MIPOL1: variants seen among roughly 807,000 people sequenced by gnomAD.
MIPOL1 encodes mirror-image polydactyly 1, also known as mirror-image polydactyly gene 1 protein.
In MIPOL1, 57 loss-of-function variants were observed where a neutral mutation model predicts 60.9. The ratio of observed to expected loss-of-function variants is 0.94; its 90% CI spans 0.76 to 1.17. MIPOL1 has a LOEUF of 1.17. Among genes scored for constraint, MIPOL1 ranks in the 50% most tolerant of loss-of-function variants. The pLI is 0.00. For missense variants in MIPOL1, 551 were observed against 511.6 expected (o/e 1.08, Z -0.74); for synonymous variants, 179 against 168.8 (o/e 1.06, Z -0.47).
chr14:37,468,321 C>A (rs1257370802), intron 11 of MIPOL1, among the ~76,000 whole-genome samples: 1 of 152,138 alleles, frequency 6.6e-6, no homozygotes, highest in Non-Finnish European at 1.5e-5. Flanking sequence ...TCCAGGAAAA[C>A]CACTGAAATC....
intron 9 of MIPOL1, among the ~76,000 whole-genome samples, chr14:37,327,894 G>T (rs1034961032): frequency 3.3e-5 from 5 of 152,214 alleles, no homozygotes; most frequent in African/African-American, 9.6e-5. Context: ...GCAAGATACA[G>T]TACTCGTGGA....
chr14:37,469,920 G>A (rs1339986639), intron 11 of MIPOL1, among the ~76,000 whole-genome samples: 3 of 152,160 alleles, frequency 2.0e-5, no homozygotes, highest in Non-Finnish European at 2.9e-5. Flanking sequence ...TACCCAGTCT[G>A]TAGTTTTCTG....
intron 12 of MIPOL1, among the ~76,000 whole-genome samples, chr14:37,529,016 G>A (rs941895862): frequency 6.6e-6 from 1 of 152,124 alleles, no homozygotes; most frequent in Non-Finnish European, 1.5e-5. Flanking sequence ...CATAGCATTC[G>A]AAGTACTATG....
At chr14:37,246,490 A>G (rs1973222326) in intron 1 of MIPOL1, among the ~76,000 whole-genome samples, 1 of 151,992 alleles carries the variant, frequency 6.6e-6, no homozygotes, top group Non-Finnish European at 1.5e-5. Flanking sequence ...GTTTTGTGGA[A>G]TTTTTTTGTT....
chr14:37,451,515 C>T (rs1260213829), intron 11 of MIPOL1, among the ~76,000 whole-genome samples: 2 of 151,740 alleles, frequency 1.3e-5, no homozygotes, highest in South Asian at 2.1e-4. Context: ...CATGCCATTT[C>T]GGGTGGGTCT....
At chr14:37,241,226 C>G (rs1055384541) in intron 1 of MIPOL1, among the ~76,000 whole-genome samples, 1 of 152,086 alleles carries the variant, frequency 6.6e-6, no homozygotes. Context: ...AAAGGAGATC[C>G]CTCTTGCTTT....
In MIPOL1 at chr14:37,247,181, A is replaced by G. The variant is rs1973316734; in HGVS notation, c.-120A>G. ...CATATTTAGAGAAAATTGGAAAAGG[A>G]GAAGCTTACTACAGCTTTATTTGAG... On this transcript the variant is annotated 5_prime_UTR_variant, in exon 2 of 13. Coordinates refer to ENST00000684589, the MANE Select transcript of MIPOL1 (RefSeq NM_001388067.1). 1.3e-5 allele frequency: 2 copies of G among 152,512 alleles called. No homozygotes were observed. The highest frequency in any genetic ancestry group is 2.9e-5 in the Non-Finnish European group (2 of 67,966). The allele number at this position is 152,512 out of a possible 1,614,324, so 9.4% of individuals were successfully genotyped here.
intron 12 of MIPOL1, among the ~76,000 whole-genome samples, chr14:37,518,867 A>T (rs890424607): frequency 6.6e-6 from 1 of 152,130 alleles, no homozygotes; most frequent in Non-Finnish European, 1.5e-5. Flanking sequence ...AGGACACATA[A>T]ACCATCGTGA....
At chr14:37,471,151 A>G (rs902827297) in intron 11 of MIPOL1, among the ~76,000 whole-genome samples, 13 of 152,224 alleles carry the variant, frequency 8.5e-5, no homozygotes, top group Admixed American at 6.5e-5. Context: ...ACTTGGGGAC[A>G]GAGAAGATTA....
intron 10 of MIPOL1, among the ~76,000 whole-genome samples, chr14:37,391,075 TCTCAATAGAAATAAC>T (rs1416533632): frequency 1.3e-5 from 2 of 152,094 alleles, no homozygotes; most frequent in African/African-American, 4.8e-5. Context: ...ACTGCTGAAT[TCTCAATAGAAATAAC>T]AGAAGTCAAA....
At chr14:37,228,199 C>T (rs1970049313) in intron 1 of MIPOL1, among the ~76,000 whole-genome samples, 1 of 152,158 alleles carries the variant, frequency 6.6e-6, no homozygotes, top group Non-Finnish European at 1.5e-5. Context: ...TTTCTCTCAC[C>T]TATTCTTTCA....
intron 12 of MIPOL1, among the ~76,000 whole-genome samples, chr14:37,544,061 TTTC>T (rs2095539026): frequency 6.6e-6 from 1 of 152,158 alleles, no homozygotes; most frequent in African/African-American, 2.4e-5. Context: ...CAAGAGGAGA[TTTC>T]TTGAAGGCAG....
intron 11 of MIPOL1, among the ~76,000 whole-genome samples, chr14:37,463,291 G>A (rs370408675): frequency 5.4e-4 from 82 of 152,238 alleles, no homozygotes; most frequent in African/African-American, 1.7e-3. Flanking sequence ...ACCCACCCCC[G>A]TAACTTAATC....
chr14:37,464,295 T>G (rs2094573239), intron 11 of MIPOL1, among the ~76,000 whole-genome samples: 1 of 152,166 alleles, frequency 6.6e-6, no homozygotes, highest in Non-Finnish European at 1.5e-5. Flanking sequence ...CTTGTGCATT[T>G]ATCTCAACAC....
At chr14:37,246,416 G>T (rs931876112) in intron 1 of MIPOL1, among the ~76,000 whole-genome samples, 17 of 152,140 alleles carry the variant, frequency 1.1e-4, no homozygotes, top group Non-Finnish European at 1.6e-4. Flanking sequence ...TTAGATTTTT[G>T]TTATAAGTCA....
chr14:37,294,822 A>G (rs1456296306), intron 7 of MIPOL1, among the ~76,000 whole-genome samples: 1 of 152,128 alleles, frequency 6.6e-6, no homozygotes, highest in Non-Finnish European at 1.5e-5. Context: ...CCAAATCTAC[A>G]TCTAATTGGT....
At chr14:37,266,270 C>A (rs1216095383) in intron 3 of MIPOL1, among the ~76,000 whole-genome samples, 1 of 152,116 alleles carries the variant, frequency 6.6e-6, no homozygotes, top group Non-Finnish European at 1.5e-5. Flanking sequence ...AGTAAACAAC[C>A]ATTTACATTT....
intron 7 of MIPOL1, among the ~76,000 whole-genome samples, chr14:37,305,170 T>C (rs1032410252): frequency 2.0e-5 from 3 of 151,856 alleles, no homozygotes; most frequent in African/African-American, 7.2e-5. Flanking sequence ...TGACACAGTA[T>C]GTGATATACT....
rs534473157 is a variant in MIPOL1, at chr14:37,214,943, TCA to T, written c.-199+16840_-199+16841del. 1.9e-3 allele frequency among the ~76,000 whole-genome samples: 288 copies of T among 151,962 alleles called. 1 individual carries two copies. Among genetic ancestry groups the T allele is most frequent in the African/African-American group, 6.2e-3 (259 of 41,476 alleles). ...ACCATCTCTTGTGGAGGGCCTGACATCAGTCAGGCCCACCCGCAGTTATCCGG... is the reference window on the plus strand; with the variant it reads ...ACCATCTCTTGTGGAGGGCCTGACATGTCAGGCCCACCCGCAGTTATCCGG... On this transcript the variant is annotated intron_variant, in intron 1 of 12. Transcript: ENST00000684589.
Sources: allele counts gnomAD v4.1 joint callset (sites outside exome capture counted in the v4.1 genomes callset), GRCh38; gene constraint gnomAD v4.1.1; transcripts MANE v1.5; gene names NCBI Gene and HGNC (gene_info 2026-07-23, HGNC 2026-07-21).